Variants in CDC123 observed in about 807,000 individuals in gnomAD.
The protein encoded by CDC123 is translation initiation factor eIF2 assembly protein.
In CDC123, 37 loss-of-function variants were observed where a neutral mutation model predicts 54.4. The ratio of observed to expected loss-of-function variants is 0.68; its 90% CI spans 0.52 to 0.89. The LOEUF is 0.89. Ranked by LOEUF, CDC123 falls within the 40% of genes least tolerant of loss-of-function variation. CDC123 has a pLI of 0.00. For synonymous variants in CDC123, 144 were observed against 136.8 expected (o/e 1.05, Z -0.37); for missense variants, 361 against 412.1 (o/e 0.88, Z 1.07).
At chr10:12,243,315 A>G (rs1050038914) in intron 10 of CDC123, among the ~76,000 whole-genome samples, 6 of 150,964 alleles carry the variant, frequency 4.0e-5, no homozygotes, top group South Asian at 2.1e-4. Context: ...GGAGAATTGC[A>G]TGAACCCAGG....
At chr10:12,228,401 T>C (rs1029687188) in intron 6 of CDC123, among the ~76,000 whole-genome samples, 1 of 120,712 alleles carries the variant, frequency 8.3e-6, no homozygotes, top group Non-Finnish European at 1.8e-5. Flanking sequence ...AAAACTAGGT[T>C]GTTTTTAGTT....
At chr10:12,202,320 T>C (rs1008799986) in intron 2 of CDC123, among the ~76,000 whole-genome samples, 35 of 152,308 alleles carry the variant, frequency 2.3e-4, no homozygotes, top group African/African-American at 8.4e-4. Context: ...TGGAGTTATA[T>C]AGTATGTATT....
At position 12,237,161 on chromosome 10, in the gene CDC123, T is replaced by G. The variant is rs754878568; in HGVS notation, c.583T>G (p.Tyr195Asp). The G allele has an allele frequency of 7.7e-6, 12 of 1,550,892 alleles. No homozygotes were observed. Among genetic ancestry groups the G allele is most frequent in the Non-Finnish European group, 1.0e-5 (12 of 1,157,358 alleles). The part of the protein sequence containing the change: ...NKLIGISQRD[Y>D]TQYYDHISKQ... ...CTTGTCAGGTATTTCTCAAAGAGACTACACACAATACTATGATCATATTTC... is the reference window on the plus strand; with the variant it reads ...CTTGTCAGGTATTTCTCAAAGAGACGACACACAATACTATGATCATATTTC... The change falls in exon 9 of 13, where the codon TAC becomes GAC. Residue 195 changes from tyrosine (Y) to aspartate (D), a missense_variant. Tyr to Asp is a radical substitution (Grantham distance 160). Transcript: ENST00000281141.
At chr10:12,220,322 T>G (rs1265966152) in intron 6 of CDC123, among the ~76,000 whole-genome samples, 1 of 152,256 alleles carries the variant, frequency 6.6e-6, no homozygotes, top group East Asian at 1.9e-4. Context: ...TTAACTGATG[T>G]TCCAGTGGAT....
At chr10:12,212,680 A>G (rs983452320) in intron 4 of CDC123, among the ~76,000 whole-genome samples, 6 of 152,146 alleles carry the variant, frequency 3.9e-5, no homozygotes, top group Admixed American at 6.5e-5. Context: ...CAAGTGGAAA[A>G]TTCCACACCT....
chr10:12,209,274 T>C (rs377404256), intron 2 of CDC123, among the ~76,000 whole-genome samples: 2 of 152,210 alleles, frequency 1.3e-5, no homozygotes, highest in African/African-American at 4.8e-5. Flanking sequence ...TCTCACTCTC[T>C]TGCCCAGGCT....
chr10:12,236,010 T>C (rs1490957388), intron 8 of CDC123, among the ~76,000 whole-genome samples: 2 of 152,316 alleles, frequency 1.3e-5, no homozygotes, highest in African/African-American at 4.8e-5. Flanking sequence ...AAAAGGAATG[T>C]TTACTTTTCC....
At chr10:12,221,557 G>C (rs1045727032) in intron 6 of CDC123, among the ~76,000 whole-genome samples, 1 of 152,156 alleles carries the variant, frequency 6.6e-6, no homozygotes, top group African/African-American at 2.4e-5. Flanking sequence ...TTGGCAAAGG[G>C]AGCAGAATTG....
At chr10:12,249,145 T>C (rs11257619) in intron 11 of CDC123, among the ~76,000 whole-genome samples, 74,539 of 145,528 alleles carry the variant, frequency 0.51, 19,485 homozygotes, top group Middle Eastern at 0.63. Context: ...AAAAAAAAAA[T>C]AGTTTGGCAT....
At chr10:12,239,686 C>T (rs1836029371) in intron 10 of CDC123, among the ~76,000 whole-genome samples, 1 of 139,024 alleles carries the variant, frequency 7.2e-6, no homozygotes, top group African/African-American at 2.7e-5. Context: ...CCAGCCTGGG[C>T]AACAAGAGCG....
At chr10:12,235,865 G>T (rs543758905) in intron 8 of CDC123, among the ~76,000 whole-genome samples, 1 of 152,324 alleles carries the variant, frequency 6.6e-6, no homozygotes, top group African/African-American at 2.4e-5. Context: ...GGGGGGTCCT[G>T]TTGGCACAAG....
At chr10:12,223,680 G>T (rs1180859304) in intron 6 of CDC123, among the ~76,000 whole-genome samples, 3 of 152,170 alleles carry the variant, frequency 2.0e-5, no homozygotes, top group African/African-American at 7.2e-5. Flanking sequence ...AGGCCATTTG[G>T]CTGGCAGAAA....
intron 4 of CDC123, among the ~76,000 whole-genome samples, chr10:12,214,936 TTA>T (rs1174576018): frequency 1.3e-5 from 2 of 152,288 alleles, no homozygotes; most frequent in East Asian, 3.9e-4. Context: ...TTTTGTTTTT[TTA>T]TGTCTCTTGA....
At chr10:12,247,671 C>T (rs544868646) in intron 11 of CDC123, 2 of 152,474 alleles carry the variant, frequency 1.3e-5, no homozygotes, top group African/African-American at 4.8e-5. Context: ...CCGGTTTCTT[C>T]ACCCAGCCAC....
chr10:12,234,714 A>G (rs1835955691), intron 7 of CDC123, among the ~76,000 whole-genome samples: 1 of 151,772 alleles, frequency 6.6e-6, no homozygotes, highest in African/African-American at 2.4e-5. Context: ...TCAGAATAAT[A>G]GATCACAACT....
chr10:12,215,158 A>G (rs1017525742), intron 4 of CDC123, among the ~76,000 whole-genome samples: 8 of 152,220 alleles, frequency 5.3e-5, no homozygotes, highest in African/African-American at 1.9e-4. Context: ...AAAATCATCC[A>G]AACAGGAAAG....
At position 12,246,130 on chromosome 10, in the gene CDC123, TTCTC is replaced by T. The variant is rs768409186; in HGVS notation, c.718-13_718-10del. The T allele has an allele frequency of 6.2e-7, 1 of 1,606,074 alleles. No homozygotes were observed. Among genetic ancestry groups the T allele is most frequent in the South Asian group, 1.1e-5 (1 of 90,084 alleles). The stretch of plus-strand genomic sequence containing the variant: ...TACAGAAGATGTTTGTTTTTGTTTT[TTCTC>T]TCTCTGTGCTACAGGGGAAGGTGTG... On this transcript the variant is annotated splice_polypyrimidine_tract_variant and intron_variant, in intron 10 of 12. Coordinates refer to ENST00000281141, the MANE Select transcript of CDC123 (RefSeq NM_006023.3).
At chr10:12,236,808 C>T (rs1428540580) in intron 8 of CDC123, among the ~76,000 whole-genome samples, 3 of 151,896 alleles carry the variant, frequency 2.0e-5, no homozygotes, top group African/African-American at 7.3e-5. Context: ...GCAGGAGAAT[C>T]GCTTCTCGGG....
At chr10:12,237,038 T>C (rs1835986803) in intron 8 of CDC123, 106 bp from the exon 9 acceptor site, 2 of 1,328,560 alleles carry the variant, frequency 1.5e-6, no homozygotes, top group East Asian at 5.4e-5. Flanking sequence ...CAGGGTGATC[T>C]TCTAATCTAC....
Sources: allele counts gnomAD v4.1 joint callset (sites outside exome capture counted in the v4.1 genomes callset), GRCh38; gene constraint gnomAD v4.1.1; transcripts MANE v1.5; gene names NCBI Gene and HGNC (gene_info 2026-07-23, HGNC 2026-07-21).